Variants in SUSD1 observed in about 807,000 individuals in gnomAD.
SUSD1 encodes sushi domain containing 1.
SUSD1 carries 65 observed loss-of-function variants against 86.9 expected under a neutral mutation model. The ratio of observed to expected loss-of-function variants is 0.75; its 90% CI spans 0.61 to 0.92. The LOEUF (loss-of-function observed/expected upper bound fraction) is 0.92. Among genes scored for constraint, SUSD1 ranks in the 40% least tolerant of loss-of-function variants. The pLI is 0.00. For missense variants in SUSD1, 850 were observed against 929.7 expected (o/e 0.91, Z 1.11); for synonymous variants, 346 against 350.0 (o/e 0.99, Z 0.13).
chr9:112,052,011 A>G, intron 15 of SUSD1: 1 of 537,726 alleles, frequency 1.9e-6, no homozygotes, highest in Non-Finnish European at 2.8e-6. Context: ...CGAATTGAAA[A>G]GCTATGTTTT....
At chr9:112,093,840 A>G (rs1458992025) in intron 10 of SUSD1, among the ~76,000 whole-genome samples, 2 of 152,214 alleles carry the variant, frequency 1.3e-5, no homozygotes, top group African/African-American at 4.8e-5. Flanking sequence ...AGGTAGGTAG[A>G]TATCTGATTA....
chr9:112,056,602 T>A (rs1295322053), intron 14 of SUSD1, among the ~76,000 whole-genome samples: 2 of 152,186 alleles, frequency 1.3e-5, no homozygotes, highest in Admixed American at 6.5e-5. Context: ...TTCAAAGCCC[T>A]TTCATCTCCT....
intron 8 of SUSD1, among the ~76,000 whole-genome samples, chr9:112,106,585 C>T (rs1830849887): frequency 6.6e-6 from 1 of 151,798 alleles, no homozygotes; most frequent in Non-Finnish European, 1.5e-5. Flanking sequence ...ACTATTAAAA[C>T]ATGTACCCAA....
intron 13 of SUSD1, among the ~76,000 whole-genome samples, chr9:112,062,032 T>G (rs1287329205): frequency 1.3e-5 from 2 of 152,168 alleles, no homozygotes; most frequent in African/African-American, 2.4e-5. Context: ...CACACTGTAG[T>G]CCTCCAACTG....
intron 13 of SUSD1, among the ~76,000 whole-genome samples, chr9:112,059,530 G>A (rs1828617647): frequency 6.6e-6 from 1 of 152,128 alleles, no homozygotes; most frequent in East Asian, 1.9e-4. Context: ...TGATACCAAA[G>A]TTCATGTGAA....
In SUSD1 at chr9:112,078,815, T is replaced by G; in HGVS notation, c.1567-91A>C. 36 of 924,244 alleles carry G rather than the reference T, an allele frequency of 3.9e-5. No homozygotes were observed. In the African/African-American group the frequency reaches 5.1e-4, roughly 13 times the overall value. 57.3% of individuals were successfully genotyped at this position (924,244 alleles called of 1,614,324 possible). A position where few individuals can be genotyped will look rare whatever the true frequency, so the allele number is the denominator to read the frequency against. ...CCCCTTTTCCTTTTTCTTTCTCTTT[T>G]TTTTTTTTTTTTTTTGAGATGGGGG... On this transcript the variant is annotated intron_variant, in intron 11 of 16. Coordinates refer to ENST00000374270, the MANE Select transcript of SUSD1 (RefSeq NM_022486.5).
At position 112,124,409 on chromosome 9, in the gene SUSD1, A is replaced by G. The variant is rs780034003; in HGVS notation, c.734T>C (p.Met245Thr). Residue 245 changes from methionine (M) to threonine (T), a missense_variant, in exon 6 of 17, where the codon ATG (methionine) becomes ACG (threonine). Met to Thr is a moderately conservative substitution (Grantham distance 81, BLOSUM62 -1). Transcript: ENST00000374270. ...ATTTCCTACCAAGATGGCGTGCCGC[A>G]TTTCTGGAGGGTTGCCACAGTTGAT... Reference protein sequence around the residue: ...QEINCGNPPEMRHAILVGNHS... With the variant: ...QEINCGNPPETRHAILVGNHS... 2 of 1,614,064 alleles carry G rather than the reference A, an allele frequency of 1.2e-6. No homozygotes were observed. The highest frequency in any genetic ancestry group is 1.7e-6 in the Non-Finnish European group (2 of 1,179,950).
chr9:112,169,684 T>C (rs184153782), intron 1 of SUSD1, among the ~76,000 whole-genome samples: 122 of 151,618 alleles, frequency 8.0e-4, no homozygotes, highest in African/African-American at 2.8e-3. Context: ...CCTTTTTTTT[T>C]TTTTTTTGAG....
intron 1 of SUSD1, among the ~76,000 whole-genome samples, chr9:112,167,822 C>T (rs573262120): frequency 5.9e-5 from 9 of 152,242 alleles, no homozygotes; most frequent in Non-Finnish European, 8.8e-5. Context: ...ACAAAGAAAA[C>T]GAGGTTTAAT....
intron 15 of SUSD1, chr9:112,052,164 T>TC: frequency 6.9e-7 from 1 of 1,455,510 alleles, no homozygotes; most frequent in Non-Finnish European, 9.0e-7. Context: ...CGGTGTTGAG[T>TC]CCCCAGTCCC....
intron 13 of SUSD1, among the ~76,000 whole-genome samples, chr9:112,062,406 T>C (rs971586464): frequency 6.6e-6 from 1 of 152,144 alleles, no homozygotes; most frequent in Non-Finnish European, 1.5e-5. Context: ...TAGAAGTCTC[T>C]CTATGTGGCC....
chr9:112,052,800 G>A (rs963247322), intron 14 of SUSD1, among the ~76,000 whole-genome samples: 1 of 152,154 alleles, frequency 6.6e-6, no homozygotes, highest in Admixed American at 6.5e-5. Flanking sequence ...GAGGTCACAC[G>A]TTCAGAAGGT....
chr9:112,106,465 A>C (rs1380377223), intron 8 of SUSD1, among the ~76,000 whole-genome samples: 1 of 152,116 alleles, frequency 6.6e-6, no homozygotes, highest in Non-Finnish European at 1.5e-5. Context: ...GGACTCAGAA[A>C]GTATCCCATT....
At chr9:112,078,816 T>TC (rs1161027637) in intron 11 of SUSD1, 92 bp from the exon 12 acceptor site, 1 of 1,028,014 alleles carries the variant, frequency 9.7e-7, no homozygotes, top group East Asian at 2.7e-5. Context: ...TTTCTCTTTT[T>TC]TTTTTTTTTT....
At chr9:112,045,620 T>G (rs1385792828) in intron 15 of SUSD1, among the ~76,000 whole-genome samples, 1 of 152,176 alleles carries the variant, frequency 6.6e-6, no homozygotes, top group Non-Finnish European at 1.5e-5. Flanking sequence ...ACTGCTGTTT[T>G]TTCTACCAGG....
intron 12 of SUSD1, among the ~76,000 whole-genome samples, chr9:112,066,499 T>C (rs1030920482): frequency 6.6e-6 from 1 of 152,102 alleles, no homozygotes; most frequent in Non-Finnish European, 1.5e-5. Context: ...AAATAGGCAG[T>C]GTTCCTAAGT....
chr9:112,077,338 G>T (rs1829560867), intron 12 of SUSD1, among the ~76,000 whole-genome samples: 1 of 151,992 alleles, frequency 6.6e-6, no homozygotes, highest in Non-Finnish European at 1.5e-5. Context: ...TAATTTCTCA[G>T]TGAAATAAGA....
chr9:112,077,462 C>T (rs1311861555), intron 12 of SUSD1, among the ~76,000 whole-genome samples: 6 of 147,124 alleles, frequency 4.1e-5, no homozygotes, highest in Admixed American at 1.4e-4. Context: ...GCCCTATAGC[C>T]GGAGGACTAC....
At chr9:112,158,902 T>A (rs2131826065) in intron 1 of SUSD1, among the ~76,000 whole-genome samples, 1 of 152,286 alleles carries the variant, frequency 6.6e-6, no homozygotes, top group East Asian at 1.9e-4. Flanking sequence ...AATATATTTT[T>A]ATTGACTGCC....
Sources: allele counts gnomAD v4.1 joint callset (sites outside exome capture counted in the v4.1 genomes callset), GRCh38; gene constraint gnomAD v4.1.1; transcripts MANE v1.5; gene names NCBI Gene and HGNC (gene_info 2026-07-23, HGNC 2026-07-21).